Variants in GPC5 observed in about 807,000 individuals in gnomAD.
The protein encoded by GPC5 is glypican 5, also known as glypican-5.
In GPC5, 47 loss-of-function variants were observed where a neutral mutation model predicts 53.9. The ratio of observed to expected loss-of-function variants is 0.87; its 90% CI spans 0.69 to 1.11. The LOEUF is 1.11. GPC5 is among the 50% of genes most tolerant of loss of function. GPC5 has a pLI of 0.00. For missense variants in GPC5, 748 were observed against 713.1 expected (o/e 1.05, Z -0.56); for synonymous variants, 286 against 263.3 (o/e 1.09, Z -0.84).
chr13:91,918,590 C>T (rs922534064), intron 6 of GPC5, among the ~76,000 whole-genome samples: 1 of 152,178 alleles, frequency 6.6e-6, no homozygotes, highest in African/African-American at 2.4e-5. Flanking sequence ...TTTCCCAACA[C>T]ACTTCTGTCT....
chr13:91,712,660 C>G (rs1347700972), intron 3 of GPC5, among the ~76,000 whole-genome samples: 2 of 152,062 alleles, frequency 1.3e-5, no homozygotes, highest in African/African-American at 2.4e-5. Flanking sequence ...GCTTTCCACC[C>G]CACGGCCTGG....
chr13:92,263,975 C>G (rs2042783591), intron 7 of GPC5, among the ~76,000 whole-genome samples: 1 of 152,072 alleles, frequency 6.6e-6, no homozygotes, highest in Admixed American at 6.6e-5. Flanking sequence ...CATTCAAAAG[C>G]ATTTGGAGTG....
intron 5 of GPC5, among the ~76,000 whole-genome samples, chr13:91,797,414 C>G (rs913301596): frequency 3.5e-4 from 53 of 152,036 alleles, no homozygotes; most frequent in African/African-American, 1.2e-3. Flanking sequence ...GAACACACCT[C>G]CCTCCCTAAT....
chr13:92,800,333 C>T (rs1876853953), intron 7 of GPC5, among the ~76,000 whole-genome samples: 1 of 151,826 alleles, frequency 6.6e-6, no homozygotes, highest in Non-Finnish European at 1.5e-5. Context: ...CTATGAAGGT[C>T]ATTTTACAAG....
intron 2 of GPC5, among the ~76,000 whole-genome samples, chr13:91,692,241 A>G (rs2035772114): frequency 6.6e-6 from 1 of 152,226 alleles, no homozygotes; most frequent in African/African-American, 2.4e-5. Flanking sequence ...TAATGTGGTC[A>G]CAATAATTTA....
At chr13:92,095,015 AT>A (rs1179029737) in intron 6 of GPC5, among the ~76,000 whole-genome samples, 3 of 152,174 alleles carry the variant, frequency 2.0e-5, no homozygotes, top group Admixed American at 1.3e-4. Context: ...TTGACCCAAA[AT>A]ATTCTGAATT....
chr13:92,330,351 C>T (rs913499151), intron 7 of GPC5, among the ~76,000 whole-genome samples: 1 of 152,144 alleles, frequency 6.6e-6, no homozygotes, highest in Non-Finnish European at 1.5e-5. Context: ...AATAACATCT[C>T]TGGTCATATC....
chr13:92,857,633 A>G (rs547387441), intron 7 of GPC5, among the ~76,000 whole-genome samples: 2 of 152,246 alleles, frequency 1.3e-5, no homozygotes, highest in South Asian at 4.1e-4. Context: ...CAAAACACAA[A>G]TAACCTCATC....
intron 7 of GPC5, chr13:92,340,320 A>C (rs2043355499): frequency 6.6e-6 from 1 of 152,170 alleles, no homozygotes; most frequent in Non-Finnish European, 1.5e-5. Context: ...CCAAGCCAAA[A>C]ATGAACATTA....
chr13:92,745,725 C>G (rs1413701308), intron 7 of GPC5, among the ~76,000 whole-genome samples: 1 of 152,032 alleles, frequency 6.6e-6, no homozygotes, highest in African/African-American at 2.4e-5. Flanking sequence ...CTAAAATTCT[C>G]CAGGCTAATT....
At chr13:92,240,447 G>A (rs571904204) in intron 7 of GPC5, 2 of 152,126 alleles carry the variant, frequency 1.3e-5, no homozygotes, top group South Asian at 2.1e-4. Flanking sequence ...CACAGTTAAA[G>A]AATCTGTTAA....
chr13:91,951,205 A>C (rs2040022927), intron 6 of GPC5, among the ~76,000 whole-genome samples: 1 of 152,212 alleles, frequency 6.6e-6, no homozygotes, highest in Non-Finnish European at 1.5e-5. Flanking sequence ...AATTTTAATA[A>C]TTATAAATTA....
chr13:91,547,761 T>C (rs2030379889), intron 2 of GPC5, among the ~76,000 whole-genome samples: 1 of 152,062 alleles, frequency 6.6e-6, no homozygotes, highest in African/African-American at 2.4e-5. Context: ...CAACAATATA[T>C]AAAAAGATAT....
chr13:92,645,656 T>C (rs1176041481), intron 7 of GPC5, among the ~76,000 whole-genome samples: 3 of 152,152 alleles, frequency 2.0e-5, no homozygotes, highest in African/African-American at 7.2e-5. Flanking sequence ...CAAAAACATA[T>C]GAGAGTTTGA....
intron 7 of GPC5, among the ~76,000 whole-genome samples, chr13:92,649,703 G>A (rs959692666): frequency 6.6e-6 from 1 of 152,056 alleles, no homozygotes; most frequent in Non-Finnish European, 1.5e-5. Context: ...CCACCTGCCT[G>A]TAATTTTGTA....
chr13:92,278,134 T>C, intron 7 of GPC5, among the ~76,000 whole-genome samples: 1 of 151,860 alleles, frequency 6.6e-6, no homozygotes, highest in Non-Finnish European at 1.5e-5. Context: ...TATATACATA[T>C]ACAAATATTA....
At chr13:91,474,387 A>G (rs1243848143) in intron 2 of GPC5, among the ~76,000 whole-genome samples, 1 of 152,142 alleles carries the variant, frequency 6.6e-6, no homozygotes, top group Non-Finnish European at 1.5e-5. Context: ...AAGAAGACCT[A>G]GAATAGTAGC....
chr13:92,102,728 GTA>G (rs1214459484), intron 6 of GPC5, among the ~76,000 whole-genome samples: 1 of 152,176 alleles, frequency 6.6e-6, no homozygotes, highest in Non-Finnish European at 1.5e-5. Flanking sequence ...GTAAAGAACT[GTA>G]TATATGTAGA....
At chr13:92,077,997 A>G (rs2041266264) in intron 6 of GPC5, among the ~76,000 whole-genome samples, 1 of 135,500 alleles carries the variant, frequency 7.4e-6, no homozygotes, top group South Asian at 2.6e-4. Flanking sequence ...ATACATACAT[A>G]CAGGCATACG....
Sources: gnomAD v4.1 joint callset for allele counts (sites outside exome capture counted in the v4.1 genomes callset) on GRCh38, gnomAD v4.1.1 for gene constraint, MANE v1.5 for transcripts, NCBI Gene and HGNC (gene_info 2026-07-23, HGNC 2026-07-21) for gene names.